Variants in PLCZ1 observed in about 807,000 individuals in gnomAD.
PLCZ1 encodes the protein 1-phosphatidylinositol 4,5-bisphosphate phosphodiesterase zeta-1.
In PLCZ1, 64 loss-of-function variants were observed where a neutral mutation model predicts 76.8. The observed-to-expected ratio is 0.83, with a 90% CI of 0.68 to 1.03. The LOEUF (loss-of-function observed/expected upper bound fraction) is 1.03, where lower values mean the gene tolerates loss of function less well. Among genes scored for constraint, PLCZ1 ranks in the 50% least tolerant of loss-of-function variants. PLCZ1 has a pLI of 0.00. For synonymous variants in PLCZ1, 248 were observed against 230.8 expected (o/e 1.07, Z -0.68); for missense variants, 751 against 713.7 (o/e 1.05, Z -0.60).
the PLCZ1 span, among the ~76,000 whole-genome samples, chr12:18,664,689 T>C: frequency 6.6e-6 from 1 of 151,820 alleles, no homozygotes; most frequent in Non-Finnish European, 1.5e-5. Context: ...ATCATGCTGC[T>C]ATAAAGACAC....
intron 3 of PLCZ1, among the ~76,000 whole-genome samples, chr12:18,735,524 A>C (rs1186701909): frequency 6.6e-6 from 1 of 152,102 alleles, no homozygotes; most frequent in East Asian, 1.9e-4. Context: ...ACAGGTACAA[A>C]TCACTGCACA....
the PLCZ1 span, among the ~76,000 whole-genome samples, chr12:18,675,859 T>C: frequency 3.4e-5 from 5 of 146,918 alleles, no homozygotes; most frequent in African/African-American, 1.2e-4. Flanking sequence ...CACTAGGGAC[T>C]CAAAAAGGGA....
At chr12:18,724,248 A>C (rs773635736) in intron 3 of PLCZ1, among the ~76,000 whole-genome samples, 1 of 152,130 alleles carries the variant, frequency 6.6e-6, no homozygotes, top group Non-Finnish European at 1.5e-5. Flanking sequence ...GGAGGTGGTG[A>C]ATAGACACTA....
rs192530438 is a variant in PLCZ1 at position 18,713,547 on chromosome 12, G to A, written c.570-561C>T. ...GAAACAGTGTTGGCTACACAGTATG[G>A]AAGCTAGAGGGCCTGGTGAATCAGC... On this transcript the variant is annotated intron_variant, in intron 5 of 14. Coordinates refer to ENST00000266505, the MANE Select transcript of PLCZ1 (RefSeq NM_033123.4). 3.9e-5 allele frequency among the ~76,000 whole-genome samples: 6 copies of A among 152,272 alleles called. No individual in the cohort carries two copies. The East Asian group carries it at 1.2e-3, about 29-fold the overall frequency.
chr12:18,655,713 T>A, the PLCZ1 span, among the ~76,000 whole-genome samples: 1 of 149,044 alleles, frequency 6.7e-6, no homozygotes, highest in Non-Finnish European at 1.5e-5. Flanking sequence ...ACCTCTGAGG[T>A]TTTCCTCCCA....
At chr12:18,653,309 C>T in the PLCZ1 span, among the ~76,000 whole-genome samples, 2 of 152,096 alleles carry the variant, frequency 1.3e-5, no homozygotes, top group South Asian at 4.1e-4. Context: ...GGAAAAACTC[C>T]AGTGATAAAA....
At chr12:18,725,045 A>G (rs1224065810) in intron 3 of PLCZ1, among the ~76,000 whole-genome samples, 1 of 152,184 alleles carries the variant, frequency 6.6e-6, no homozygotes, top group Admixed American at 6.6e-5. Context: ...TGGAGATATA[A>G]GTCCAAACAA....
chr12:18,733,830 T>C (rs971679812), intron 3 of PLCZ1, among the ~76,000 whole-genome samples: 2 of 152,204 alleles, frequency 1.3e-5, no homozygotes, highest in African/African-American at 4.8e-5. Context: ...TACATATTTG[T>C]TTTTATGCCC....
In PLCZ1 at chr12:18,701,512, T is replaced by G. The variant is rs200084345; in HGVS notation, c.1006A>C (p.Lys336Gln). 6.2e-6 allele frequency: 10 copies of G among 1,614,122 alleles called. No homozygotes were observed. In the Admixed American group the frequency reaches 1.7e-4, roughly 27 times the overall value. ...AAACACCACCTCACCTTCTTTTTCTTGAAAAGCATTACTCCAGGTAACTTT... is the reference window on the plus strand; with the variant it reads ...AAACACCACCTCACCTTCTTTTTCTGGAAAAGCATTACTCCAGGTAACTTT... ...VKKLPGVMLF[K>Q]KKKTRKLKIA... Residue 336 changes from lysine (K) to glutamine (Q), a missense_variant, in exon 9 of 15, where the codon AAG becomes CAG. Physicochemically the swap from Lys to Gln is moderately conservative, Grantham distance 53 (BLOSUM62 1). Transcript: ENST00000266505.
chr12:18,729,350 A>AT, intron 3 of PLCZ1, among the ~76,000 whole-genome samples: 1 of 152,196 alleles, frequency 6.6e-6, no homozygotes, highest in African/African-American at 2.4e-5. Flanking sequence ...AGCCCAAACT[A>AT]AATAGAGTCT....
chr12:18,686,298 C>G (rs1438784862), intron 13 of PLCZ1, among the ~76,000 whole-genome samples: 1 of 151,914 alleles, frequency 6.6e-6, no homozygotes, highest in Non-Finnish European at 1.5e-5. Context: ...AGTTATAGCC[C>G]TACTTAAAAG....
At chr12:18,736,633 C>T (rs1469205351) in intron 2 of PLCZ1, 1 of 1,295,772 alleles carries the variant, frequency 7.7e-7, no homozygotes, top group East Asian at 5.3e-5. Flanking sequence ...AACATTATAA[C>T]AATCTATTGC....
At chr12:18,693,377 T>C (rs1592045518) in intron 12 of PLCZ1, 1 of 1,604,182 alleles carries the variant, frequency 6.2e-7, no homozygotes, top group African/African-American at 1.3e-5. Context: ...TTAAGGAATC[T>C]GTGGAGCTTC....
chr12:18,696,322 C>CTATATATATATAGATATATA (rs1954988841), intron 10 of PLCZ1, 56 bp from the exon 11 acceptor site: 1 of 253,072 alleles, frequency 4.0e-6, no homozygotes, highest in African/African-American at 6.1e-5. Flanking sequence ...TAAAAAGCCA[C>CTATATATATATAGATATATA]TATATATATA....
chr12:18,687,103 A>G (rs1953266060), intron 13 of PLCZ1, among the ~76,000 whole-genome samples: 1 of 152,040 alleles, frequency 6.6e-6, no homozygotes, highest in Non-Finnish European at 1.5e-5. Flanking sequence ...AAGGGTGTCA[A>G]ATGAGGCAGG....
chr12:18,689,852 G>A (rs1953790848), intron 12 of PLCZ1, among the ~76,000 whole-genome samples: 1 of 152,088 alleles, frequency 6.6e-6, no homozygotes, highest in Admixed American at 6.5e-5. Flanking sequence ...TTGGCTCTCT[G>A]ATTCCCAAAT....
chr12:18,716,588 T>C (rs1379593480), intron 5 of PLCZ1, among the ~76,000 whole-genome samples: 3 of 152,204 alleles, frequency 2.0e-5, no homozygotes, highest in Non-Finnish European at 4.4e-5. Context: ...GTAAACCTTG[T>C]AACTAATCCT....
intron 5 of PLCZ1, among the ~76,000 whole-genome samples, chr12:18,717,065 T>A (rs988378808): frequency 1.3e-4 from 20 of 152,260 alleles, no homozygotes; most frequent in African/African-American, 3.4e-4. Flanking sequence ...AAAAATATTT[T>A]GAAAGACTTT....
At chr12:18,734,730 TCTGC>T (rs1159870018) in intron 3 of PLCZ1, among the ~76,000 whole-genome samples, 2 of 152,212 alleles carry the variant, frequency 1.3e-5, no homozygotes, top group African/African-American at 4.8e-5. Flanking sequence ...TAATTTTGCT[TCTGC>T]CTTTTTAATT....
Sources: gnomAD v4.1 joint callset for allele counts (sites outside exome capture counted in the v4.1 genomes callset) on GRCh38, gnomAD v4.1.1 for gene constraint, MANE v1.5 for transcripts, NCBI Gene and HGNC (gene_info 2026-07-23, HGNC 2026-07-21) for gene names.